The following DHCR24 variants were observed in gnomAD, a reference collection of about 807,000 sequenced individuals.
DHCR24 encodes the protein delta(24)-sterol reductase.
Under a neutral mutation model 61.2 loss-of-function variants are expected in DHCR24, and 28 were observed. That is an observed-to-expected ratio of 0.46 (90% CI 0.34 to 0.63). The LOEUF is 0.63. Ranked by LOEUF, DHCR24 falls within the 20% of genes least tolerant of loss-of-function variation. The pLI is 0.01. For missense variants in DHCR24, 538 were observed against 679.1 expected (o/e 0.79, Z 2.31); for synonymous variants, 261 against 275.9 (o/e 0.95, Z 0.54).
At chr1:54,876,652 TCAAA>T (rs1557438256) in intron 2 of DHCR24, among the ~76,000 whole-genome samples, 1 of 151,728 alleles carries the variant, frequency 6.6e-6, no homozygotes, top group Non-Finnish European at 1.5e-5. Context: ...AGACTCCGTC[TCAAA>T]CAAACAAAAA....
rs1242984566 is a variant in DHCR24, at chr1:54,854,177, G to A, written c.1078C>T (p.Pro360Ser). The A allele has an allele frequency of 9.9e-6, 16 of 1,613,976 alleles. No individual in the cohort carries two copies. Among genetic ancestry groups the A allele is most frequent in the Non-Finnish European group, 1.2e-5 (14 of 1,179,994 alleles). The stretch of plus-strand genomic sequence containing the variant: ...AGCTTCAGGAGGGAGATCTTGGGAG[G>A]CACCATCCAGCCAAAGAGGTAGCGG... ...IFRYLFGWMV[P>S]PKISLLKLTQ... Residue 360 changes from proline to serine, a missense_variant, in exon 7 of 9, where the codon CCT becomes TCT. By Grantham distance (74) the Pro-to-Ser change is moderately conservative. Transcript: ENST00000371269.
At position 54,860,767 on chromosome 1, in the gene DHCR24, C is replaced by T. The variant is rs565088791; in HGVS notation, c.1020+4536G>A. 4.6e-3 allele frequency among the ~76,000 whole-genome samples: 705 copies of T among 152,180 alleles called. 9 individuals carry two copies. Among genetic ancestry groups the T allele is most frequent in the African/African-American group, 0.016 (666 of 41,530 alleles). On this transcript the variant is annotated intron_variant, in intron 6 of 8. Transcript: ENST00000371269. Reference sequence around the variant, plus strand: ...TTGGGAGGCCGGGGCGGGCGGATCACGAGGTCAGGAGATCGAGACCATCCT... The same window carrying T: ...TTGGGAGGCCGGGGCGGGCGGATCATGAGGTCAGGAGATCGAGACCATCCT...
rs1557437639 is a variant in DHCR24 at position 54,875,205 on chromosome 1, A to G, written c.500T>C (p.Leu167Ser). 6.2e-7 allele frequency: 1 copy of G among 1,614,162 alleles called. No homozygotes were observed. Among genetic ancestry groups the G allele is most frequent in the Non-Finnish European group, 8.5e-7 (1 of 1,180,020 alleles). ...TGACTCGATGCCTGTGCCCATGATC[A>G]AGCCCCCTGCAGAGACATCACACAC... ...PELDDLTVGG[L>S]IMGTGIESSS... The change falls in exon 4 of 9, where the codon TTG becomes TCG. Residue 167 changes from leucine (L) to serine (S), a missense_variant. Leu to Ser is a moderately radical substitution (Grantham distance 145). Coordinates refer to ENST00000371269, the MANE Select transcript of DHCR24 (RefSeq NM_014762.4).
chr1:54,886,688 C>CA (rs1647098970), intron 1 of DHCR24: 1 of 1,496,626 alleles, frequency 6.7e-7, no homozygotes, highest in Non-Finnish European at 8.9e-7. Context: ...GCCCTGCACA[C>CA]AGTGGGCACT....
rs570306403 is a variant in DHCR24 at position 54,852,440 on chromosome 1, C to T, written c.1398-54G>A. 2.2e-5 allele frequency: 35 copies of T among 1,604,592 alleles called. No individual in the cohort carries two copies. The Admixed American group carries it at 4.3e-4, about 20-fold the overall frequency. On this transcript the variant is annotated intron_variant, in intron 8 of 8. Coordinates refer to ENST00000371269, the MANE Select transcript of DHCR24 (RefSeq NM_014762.4). The stretch of plus-strand genomic sequence containing the variant: ...GCCAGGAGGCACACGGAACGCGAGG[C>T]GTGAGAGAAACCCAACTGCTCATTC...
At chr1:54,867,498 G>C (rs1425740137) in intron 5 of DHCR24, among the ~76,000 whole-genome samples, 1 of 152,048 alleles carries the variant, frequency 6.6e-6, no homozygotes, top group Non-Finnish European at 1.5e-5. Flanking sequence ...GTGCCTCACA[G>C]TCTTCTCCTT....
intron 4 of DHCR24, among the ~76,000 whole-genome samples, chr1:54,874,320 G>A (rs924478044): frequency 6.6e-6 from 1 of 152,168 alleles, no homozygotes; most frequent in Non-Finnish European, 1.5e-5. Context: ...CAAGCTCCAT[G>A]CATGGTAAGT....
At chr1:54,866,054 C>T (rs1453455928) in intron 5 of DHCR24, among the ~76,000 whole-genome samples, 1 of 152,160 alleles carries the variant, frequency 6.6e-6, no homozygotes, top group Non-Finnish European at 1.5e-5. Context: ...GCTGATGTCT[C>T]CTGCAGCCCT....
At chr1:54,877,082 A>G (rs1432993062) in intron 2 of DHCR24, among the ~76,000 whole-genome samples, 1 of 151,902 alleles carries the variant, frequency 6.6e-6, no homozygotes. Context: ...TAATCAGAAT[A>G]TGCATCTATC....
chr1:54,858,357 G>A (rs1396371606), intron 6 of DHCR24, among the ~76,000 whole-genome samples: 1 of 152,206 alleles, frequency 6.6e-6, no homozygotes, highest in African/African-American at 2.4e-5. Context: ...GCTGCCTGTG[G>A]GTTAGCTGAG....
chr1:54,862,847 C>G (rs1051664204), intron 6 of DHCR24, among the ~76,000 whole-genome samples: 2 of 151,948 alleles, frequency 1.3e-5, no homozygotes, highest in African/African-American at 4.8e-5. Context: ...GAGGCCGAGG[C>G]GGGTGGATCA....
At chr1:54,886,483 C>T in intron 1 of DHCR24, 1 of 778,518 alleles carries the variant, frequency 1.3e-6, no homozygotes, top group Non-Finnish European at 1.9e-6. Flanking sequence ...GTCGGCTTCC[C>T]AGCATTTGCT....
intron 5 of DHCR24, among the ~76,000 whole-genome samples, chr1:54,870,850 TCCTTTCCAAGTCTCTTACAATAAGCAC>T (rs1296127095): frequency 9.5e-4 from 42 of 44,358 alleles, no homozygotes; most frequent in Non-Finnish European, 1.9e-3. Context: ...TAAGCACAAA[TCCTTTCCAAGTCTCTTACAATAAGCAC>T]AAATCCTTTC....
chr1:54,878,163 T>C lies in DHCR24; in HGVS notation c.388-2116A>G, dbSNP rs917236045. On this transcript the variant is annotated intron_variant, in intron 2 of 8. Transcript: ENST00000371269. ...CTGAGTACTAATCGGTAAATACACA[T>C]GAGGCTATTACCTGAGGCTGAAGCC... 5.4e-4 allele frequency among the ~76,000 whole-genome samples: 80 copies of C among 148,708 alleles called. 1 individual carries two copies. The highest frequency in any genetic ancestry group is 1.9e-3 in the African/African-American group (79 of 40,720).
At chr1:54,855,120 C>T (rs1193782675) in intron 6 of DHCR24, among the ~76,000 whole-genome samples, 4 of 152,152 alleles carry the variant, frequency 2.6e-5, no homozygotes, top group African/African-American at 4.8e-5. Context: ...TCTGGCCAGG[C>T]ACGGTGGCTC....
rs1470787731 is a variant in DHCR24 at position 54,871,608 on chromosome 1, T to C, written c.618A>G (p.Glu206=). ...DGSFVRCTPS[E]NSDLFYAVPW... Reference sequence around the variant, plus strand: ...GTACGGCATAGAACAGGTCTGAGTTTTCGGACTGTGAGACAGAATTGATGT... The same window carrying C: ...GTACGGCATAGAACAGGTCTGAGTTCTCGGACTGTGAGACAGAATTGATGT... The change falls in exon 5 of 9, where the codon GAA becomes GAG. Residue 206 remains glutamate (E), a synonymous_variant. Transcript: ENST00000371269. 2 of 1,614,008 alleles carry C rather than the reference T, an allele frequency of 1.2e-6. No individual in the cohort carries two copies. Among genetic ancestry groups the C allele is most frequent in the Non-Finnish European group, 1.7e-6 (2 of 1,180,024 alleles).
At chr1:54,873,646 T>G (rs901008763) in intron 4 of DHCR24, among the ~76,000 whole-genome samples, 5 of 152,230 alleles carry the variant, frequency 3.3e-5, no homozygotes, top group Non-Finnish European at 5.9e-5. Flanking sequence ...AACATGCGTT[T>G]ATGTCTTGAC....
At chr1:54,886,762 A>T in intron 1 of DHCR24, 127 bp downstream of exon 1, 1 of 1,185,986 alleles carries the variant, frequency 8.4e-7, no homozygotes, top group Non-Finnish European at 1.1e-6. Flanking sequence ...CTCCAACGCC[A>T]GCTCCCCACC....
chr1:54,857,040 C>T lies in DHCR24; in HGVS notation c.1021-2806G>A, dbSNP rs139063901. 1.9e-3 allele frequency among the ~76,000 whole-genome samples: 287 copies of T among 152,276 alleles called. 2 individuals are homozygous for T. The highest frequency in any genetic ancestry group is 5.5e-3 in the African/African-American group (228 of 41,560). Reference sequence around the variant, plus strand: ...TTTAAAAGCCATTTGTGTTTTTTTCCTAAAAATAGTCAACTGGTATCCAAA... The same window carrying T: ...TTTAAAAGCCATTTGTGTTTTTTTCTTAAAAATAGTCAACTGGTATCCAAA... On this transcript the variant is annotated intron_variant, in intron 6 of 8. Coordinates refer to ENST00000371269, the MANE Select transcript of DHCR24 (RefSeq NM_014762.4).
Sources: allele counts gnomAD v4.1 joint callset (sites outside exome capture counted in the v4.1 genomes callset), GRCh38; gene constraint gnomAD v4.1.1; transcripts MANE v1.5; gene names NCBI Gene and HGNC (gene_info 2026-07-23, HGNC 2026-07-21).